Variants in RNF150 observed in about 807,000 individuals in gnomAD.
The protein encoded by RNF150 is ring finger protein 150.
RNF150 carries 24 observed loss-of-function variants against 39.3 expected under a neutral mutation model. The observed-to-expected ratio is 0.61, with a 90% CI of 0.44 to 0.86. RNF150 has a LOEUF of 0.86. RNF150 is among the 40% of genes least tolerant of loss of function. RNF150 has a pLI of 0.00. For synonymous variants in RNF150, 255 were observed against 227.3 expected (o/e 1.12, Z -1.10); for missense variants, 502 against 587.8 (o/e 0.85, Z 1.51).
chr4:140,964,206 AG>A (rs1733148264), intron 2 of RNF150, among the ~76,000 whole-genome samples: 1 of 152,118 alleles, frequency 6.6e-6, no homozygotes, highest in Non-Finnish European at 1.5e-5. Context: ...GTAGTGGCTA[AG>A]GGCATGGACT....
intron 6 of RNF150, among the ~76,000 whole-genome samples, chr4:140,897,260 G>A (rs1729996830): frequency 6.6e-6 from 1 of 152,196 alleles, no homozygotes. Flanking sequence ...AGACGCTGCA[G>A]GGATAAGATA....
chr4:141,063,500 G>C (rs115288607), intron 1 of RNF150, among the ~76,000 whole-genome samples: 1,949 of 152,242 alleles, frequency 0.013, 53 homozygotes, highest in African/African-American at 0.045. Flanking sequence ...AGTCTCAGAA[G>C]TTAAATTAGT....
chr4:140,997,570 C>T (rs763416555), intron 1 of RNF150, among the ~76,000 whole-genome samples: 9 of 152,002 alleles, frequency 5.9e-5, no homozygotes, highest in African/African-American at 1.2e-4. Context: ...CAAAGCTCTA[C>T]GAATATTCTT....
chr4:141,124,503 C>T lies in RNF150; in HGVS notation c.484+7822G>A, dbSNP rs75648475. Among the ~76,000 whole-genome samples the T allele has an allele frequency of 1.9e-3, 289 of 152,338 alleles. 1 individual carries two copies. Among genetic ancestry groups the T allele is most frequent in the African/African-American group, 6.6e-3 (273 of 41,576 alleles). ...TCTTCCTGATAAATGAAGCGGAAAA[C>T]ATCTTTCCTCATCCACTATTCTTTG... On this transcript the variant is annotated intron_variant, in intron 1 of 6. Transcript: ENST00000515673.
intron 5 of RNF150, among the ~76,000 whole-genome samples, chr4:140,925,142 CT>C (rs746602858): frequency 4.6e-5 from 7 of 152,178 alleles, no homozygotes; most frequent in Non-Finnish European, 1.0e-4. Flanking sequence ...GTTTGTCTGA[CT>C]TCTACACAGC....
chr4:141,208,894 G>A (rs995145316), intron 1 of RNF150, among the ~76,000 whole-genome samples: 1 of 152,140 alleles, frequency 6.6e-6, no homozygotes, highest in East Asian at 1.9e-4. Context: ...CAAGACTCTT[G>A]GGTCAGAGAC....
chr4:140,946,178 G>A (rs1380409661), intron 4 of RNF150, among the ~76,000 whole-genome samples: 1 of 152,176 alleles, frequency 6.6e-6, no homozygotes, highest in East Asian at 1.9e-4. Flanking sequence ...GGCTTTGGCT[G>A]GGGCCACCAG....
In RNF150 at chr4:140,999,969, G is replaced by GAAGAAGAAGAA. The variant is rs1560678529; in HGVS notation, c.485-32097_485-32096insTTCTTCTTCTT. On this transcript the variant is annotated intron_variant, in intron 1 of 6. Transcript: ENST00000515673. ...AGAAGAAGAAGAAGAAGAAGAAGAA[G>GAAGAAGAAGAA]AAGAAGAAAAGAAGAAAAGAAGAAA... Among the ~76,000 whole-genome samples, 29 of 31,046 alleles carry GAAGAAGAAGAA rather than the reference G, an allele frequency of 9.3e-4. 3 individuals are homozygous for GAAGAAGAAGAA. Among genetic ancestry groups the GAAGAAGAAGAA allele is most frequent in the East Asian group, 2.4e-3 (3 of 1,240 alleles). The allele number at this position is 31,046 out of a possible 152,430, so 20.4% of individuals were successfully genotyped here.
chr4:140,918,389 G>T (rs1020769335), intron 5 of RNF150, among the ~76,000 whole-genome samples: 4 of 152,178 alleles, frequency 2.6e-5, no homozygotes, highest in Admixed American at 6.5e-5. Flanking sequence ...ACTACCATCA[G>T]AGAATAGTAC....
chr4:140,920,059 C>A (rs13135473), intron 5 of RNF150, among the ~76,000 whole-genome samples: 2 of 151,088 alleles, frequency 1.3e-5, no homozygotes, highest in Non-Finnish European at 2.9e-5. Flanking sequence ...AAGACTTAAA[C>A]GTTAGACCTA....
chr4:140,887,738 A>G (rs1355412534), intron 6 of RNF150, among the ~76,000 whole-genome samples: 3 of 152,198 alleles, frequency 2.0e-5, no homozygotes, highest in Non-Finnish European at 4.4e-5. Context: ...GCTGCAGAAC[A>G]CAGCAAAGCA....
chr4:141,140,508 T>A (rs1578763268), intron 1 of RNF150, among the ~76,000 whole-genome samples: 1 of 152,248 alleles, frequency 6.6e-6, no homozygotes, highest in African/African-American at 2.4e-5. Context: ...CTTTTTCTTC[T>A]TATTTTTTCA....
At chr4:141,189,425 T>C (rs929823171) in intron 1 of RNF150, among the ~76,000 whole-genome samples, 6 of 152,198 alleles carry the variant, frequency 3.9e-5, no homozygotes, top group Non-Finnish European at 7.3e-5. Flanking sequence ...GCTTGAGCAC[T>C]GTGCCAGGAG....
chr4:141,007,568 C>A (rs1402543746), intron 1 of RNF150, among the ~76,000 whole-genome samples: 2 of 152,120 alleles, frequency 1.3e-5, no homozygotes, highest in African/African-American at 4.8e-5. Flanking sequence ...CTGATTTATT[C>A]TTCGTGTACT....
chr4:140,975,585 G>A (rs938357017), intron 1 of RNF150, among the ~76,000 whole-genome samples: 6 of 152,040 alleles, frequency 3.9e-5, no homozygotes, highest in African/African-American at 1.4e-4. Flanking sequence ...TACTCATTTG[G>A]TACTATCTTT....
chr4:140,894,610 ATGC>A (rs1729871506), intron 6 of RNF150, among the ~76,000 whole-genome samples: 1 of 152,148 alleles, frequency 6.6e-6, no homozygotes. Flanking sequence ...TGATTGGTGC[ATGC>A]TTTGTTTAAC....
chr4:141,015,448 CT>C (rs1735234772), intron 1 of RNF150, among the ~76,000 whole-genome samples: 1 of 152,108 alleles, frequency 6.6e-6, no homozygotes, highest in African/African-American at 2.4e-5. Flanking sequence ...TGTTTTATAG[CT>C]TTCAGAAAAC....
chr4:140,894,660 C>T (rs1729873390), intron 6 of RNF150, among the ~76,000 whole-genome samples: 1 of 152,216 alleles, frequency 6.6e-6, no homozygotes, highest in Non-Finnish European at 1.5e-5. Context: ...ACAATCAATG[C>T]ACATTTTGAA....
At chr4:140,921,046 A>C (rs13130687) in intron 5 of RNF150, among the ~76,000 whole-genome samples, 1 of 150,120 alleles carries the variant, frequency 6.7e-6, no homozygotes, top group Non-Finnish European at 1.5e-5. Context: ...GTGGCGTGGG[A>C]GGAGGGATAG....
Sources: allele counts gnomAD v4.1 joint callset (sites outside exome capture counted in the v4.1 genomes callset), GRCh38; gene constraint gnomAD v4.1.1; transcripts MANE v1.5; gene names NCBI Gene and HGNC (gene_info 2026-07-23, HGNC 2026-07-21).